Variants in FRMPD4 observed in about 807,000 individuals in gnomAD.
FRMPD4 encodes FERM and PDZ domain-containing protein 4.
A neutral mutation model predicts 94.1 loss-of-function variants in FRMPD4; 22 were observed. That is an observed-to-expected ratio of 0.23 (90% confidence interval 0.17 to 0.33). The LOEUF (loss-of-function observed/expected upper bound fraction) is 0.33. FRMPD4 is among the 10% of genes least tolerant of loss of function. The pLI is 1.00. For missense variants in FRMPD4, 1,111 were observed against 1,339.9 expected, an observed-to-expected ratio of 0.83 and a Z score of 2.67; for synonymous variants, 631 against 548.6, an observed-to-expected ratio of 1.15 and a Z score of -2.10.
chrX:12,608,115 G>C (rs1330552993), intron 2 of FRMPD4, among the ~76,000 whole-genome samples: 4 of 112,518 alleles, frequency 3.6e-5, no homozygotes, highest in Non-Finnish European at 7.5e-5. Context: ...AATAATCTTA[G>C]CTTACATTAC....
At chrX:12,677,413 C>T (rs1452893301) in intron 5 of FRMPD4, among the ~76,000 whole-genome samples, 1 of 107,232 alleles carries the variant, frequency 9.3e-6, no homozygotes, top group African/African-American at 3.4e-5. Context: ...TGGGAAAAAA[C>T]AAGACTGCAA....
intron 4 of FRMPD4, among the ~76,000 whole-genome samples, chrX:12,655,221 T>TA (rs1204910372): frequency 8.9e-6 from 1 of 112,523 alleles, no homozygotes; most frequent in Non-Finnish European, 1.9e-5. Context: ...CAGATTGTTT[T>TA]AAAAAATATA....
intron 1 of FRMPD4, among the ~76,000 whole-genome samples, chrX:12,187,239 A>G (rs1249228898): frequency 9.0e-6 from 1 of 111,412 alleles, no homozygotes. Flanking sequence ...CCTGTTTTTG[A>G]TGGTGCCTTC....
chrX:12,452,448 A>G (rs1316897466), intron 1 of FRMPD4, among the ~76,000 whole-genome samples: 4 of 111,579 alleles, frequency 3.6e-5, no homozygotes, highest in Non-Finnish European at 7.5e-5. Context: ...AAAGTGATTA[A>G]GAATTTGCCA....
intron 1 of FRMPD4, among the ~76,000 whole-genome samples, chrX:12,492,923 C>T (rs1323720845): frequency 9.0e-6 from 1 of 111,418 alleles, no homozygotes; most frequent in Non-Finnish European, 1.9e-5. Context: ...CTATGTGTGT[C>T]TACAGCACGA....
intron 3 of FRMPD4, among the ~76,000 whole-genome samples, chrX:12,092,411 T>A (rs189448782): frequency 1.8e-3 from 199 of 112,290 alleles, no homozygotes; most frequent in Non-Finnish European, 2.3e-3. Context: ...ACCCCATGCC[T>A]TCCCTGTTGA....
intron 1 of FRMPD4, among the ~76,000 whole-genome samples, chrX:12,143,714 A>G (rs1043503328): frequency 4.5e-5 from 5 of 112,181 alleles, no homozygotes; most frequent in African/African-American, 1.3e-4. Context: ...ATCAGCACAC[A>G]TGCGGGCACA....
intron 1 of FRMPD4, among the ~76,000 whole-genome samples, chrX:12,453,666 G>A (rs918254003): frequency 8.1e-5 from 9 of 111,274 alleles, no homozygotes; most frequent in African/African-American, 2.6e-4. Flanking sequence ...ATATTCTATC[G>A]TTTATTCATT....
At chrX:12,611,803 G>A (rs2059186851) in intron 3 of FRMPD4, among the ~76,000 whole-genome samples, 1 of 110,621 alleles carries the variant, frequency 9.0e-6, no homozygotes, top group Non-Finnish European at 1.9e-5. Context: ...TTAGTTCTCT[G>A]TGTAAGATTG....
At chrX:12,692,952 G>A in intron 8 of FRMPD4, among the ~76,000 whole-genome samples, 1 of 111,376 alleles carries the variant, frequency 9.0e-6, no homozygotes, top group Non-Finnish European at 1.9e-5. Flanking sequence ...GTGATAAGTA[G>A]CCCATAGCCC....
intron 2 of FRMPD4, among the ~76,000 whole-genome samples, chrX:12,505,079 G>A (rs1446225970): frequency 3.6e-5 from 4 of 111,566 alleles, no homozygotes; most frequent in Non-Finnish European, 5.6e-5. Context: ...ACAGGAGGTG[G>A]GTCACAAAGT....
intron 2 of FRMPD4, among the ~76,000 whole-genome samples, chrX:12,540,787 G>A (rs748311639): frequency 6.3e-5 from 7 of 111,556 alleles, no homozygotes; most frequent in Non-Finnish European, 1.3e-4. Flanking sequence ...CAGAATATAC[G>A]TTCTTCTAAG....
At chrX:12,656,006 A>G (rs1411090931) in intron 4 of FRMPD4, among the ~76,000 whole-genome samples, 1 of 112,245 alleles carries the variant, frequency 8.9e-6, no homozygotes, top group Non-Finnish European at 1.9e-5. Flanking sequence ...ACTGTAAGAC[A>G]TTCTTCTCCA....
intron 1 of FRMPD4, among the ~76,000 whole-genome samples, chrX:12,284,430 T>C (rs1032862737): frequency 2.8e-4 from 31 of 111,670 alleles, no homozygotes; most frequent in Non-Finnish European, 4.9e-4. Flanking sequence ...ATTCTGTCAC[T>C]TGACTACAGC....
chrX:12,628,947 G>A (rs767835007), intron 4 of FRMPD4, among the ~76,000 whole-genome samples: 6 of 112,280 alleles, frequency 5.3e-5, no homozygotes, highest in Admixed American at 9.4e-5. Flanking sequence ...CAAAAGGTAC[G>A]TCTTACATAG....
At chrX:12,205,881 A>G (rs375336583) in intron 1 of FRMPD4, among the ~76,000 whole-genome samples, 3 of 112,496 alleles carry the variant, frequency 2.7e-5, no homozygotes, top group African/African-American at 9.7e-5. Flanking sequence ...GATTCAAAGA[A>G]GAAGACACTG....
At chrX:12,541,645 G>A (rs5935367) in intron 2 of FRMPD4, among the ~76,000 whole-genome samples, 44,891 of 110,418 alleles carry the variant, frequency 0.41, 7,592 homozygotes, top group Non-Finnish European at 0.54. Flanking sequence ...ATTCACAGCC[G>A]AATTCCACCA....
At chrX:12,424,355 T>C (rs1408311845) in intron 1 of FRMPD4, among the ~76,000 whole-genome samples, 5 of 112,973 alleles carry the variant, frequency 4.4e-5, no homozygotes, top group Non-Finnish European at 9.4e-5. Context: ...GTATATAATA[T>C]GCTATTCCTT....
At chrX:12,392,238 A>G (rs747560856) in intron 1 of FRMPD4, among the ~76,000 whole-genome samples, 1 of 106,450 alleles carries the variant, frequency 9.4e-6, no homozygotes, top group South Asian at 4.7e-4. Flanking sequence ...ACGGGGTTTC[A>G]CCATGTTGGC....
Sources: allele counts gnomAD v4.1 joint callset (sites outside exome capture counted in the v4.1 genomes callset), GRCh38; gene constraint gnomAD v4.1.1; transcripts MANE v1.5; gene names NCBI Gene and HGNC (gene_info 2026-07-23, HGNC 2026-07-21).